Variants in ATP5F1A observed in about 807,000 individuals in gnomAD.
The protein encoded by ATP5F1A is ATP synthase F(1) complex subunit alpha, mitochondrial.
Under a neutral mutation model 57.4 loss-of-function variants are expected in ATP5F1A, and 24 were observed. That is an observed-to-expected ratio of 0.42 (90% confidence interval 0.30 to 0.59). The LOEUF is 0.59. ATP5F1A is among the 20% of genes least tolerant of loss of function. The pLI is 0.19. For synonymous variants in ATP5F1A, 251 were observed against 255.5 expected (o/e 0.98, Z 0.17); for missense variants, 494 against 707.9 (o/e 0.70, Z 3.43).
upstream of ATP5F1A, among the ~76,000 whole-genome samples, chr18:46,102,538 G>C (rs755208916): frequency 2.0e-5 from 3 of 152,060 alleles, no homozygotes; most frequent in Non-Finnish European, 4.4e-5. Context: ...TGGTCAGGCT[G>C]GTCTTGAACT....
In ATP5F1A at chr18:46,081,684, A is replaced by AAAAAAAAAAAAAAAAAAAAAAAC. The variant is rs1909756699; in HGVS notation, c.*2597_*2598insGTTTTTTTTTTTTTTTTTTTTTT. On this transcript the variant is annotated 3_prime_UTR_variant, in exon 12 of 12. Coordinates refer to ENST00000398752, the MANE Select transcript of ATP5F1A (RefSeq NM_004046.6). Reference sequence around the variant, plus strand: ...TCAAAAAAAAAAAACAAAAAAAAAAAAAAAAAAAAAAAACGAAATGTGCAG... The same window carrying AAAAAAAAAAAAAAAAAAAAAAAC: ...TCAAAAAAAAAAAACAAAAAAAAAAAAAAAAAAAAAAAAAAAAAAAAACAAAAAAAAAAAAACGAAATGTGCAG... 1 of 99,128 alleles carries AAAAAAAAAAAAAAAAAAAAAAAC rather than the reference A, an allele frequency of 1.0e-5. No individual in the cohort carries two copies. The highest frequency in any genetic ancestry group is 2.1e-5 in the Non-Finnish European group (1 of 46,680). The allele number at this position is 99,128 out of a possible 1,614,324, so 6.1% of individuals were successfully genotyped here.
intron 1 of ATP5F1A, among the ~76,000 whole-genome samples, chr18:46,095,355 G>A (rs1012230517): frequency 2.0e-5 from 3 of 152,076 alleles, no homozygotes; most frequent in Non-Finnish European, 4.4e-5. Flanking sequence ...TTTTTAAAAT[G>A]CAGTCTGTAC....
At chr18:46,099,743 T>TAAAC (rs1911212677), upstream of ATP5F1A, among the ~76,000 whole-genome samples, 1 of 152,162 alleles carries the variant, frequency 6.6e-6, no homozygotes, top group Non-Finnish European at 1.5e-5. Flanking sequence ...TTTCACCGTT[T>TAAAC]GGAGAAGCAT....
upstream of ATP5F1A, among the ~76,000 whole-genome samples, chr18:46,100,901 C>T (rs547748487): frequency 6.5e-4 from 99 of 152,096 alleles, no homozygotes; most frequent in African/African-American, 2.3e-3. Context: ...GATGAAACCC[C>T]GTCTCTGCTA....
Position 46,080,760 on chromosome 18 carries a change from C to G in ATP5F1A, c.*3522G>C, listed in dbSNP as rs1909694849. The stretch of plus-strand genomic sequence containing the variant: ...AGATTACAGGCGTAAGCCACTGCGC[C>G]TGGGCTATCATATTCTTTAAAAATA... On this transcript the variant is annotated 3_prime_UTR_variant, in exon 12 of 12. Coordinates refer to ENST00000398752, the MANE Select transcript of ATP5F1A (RefSeq NM_004046.6). 1 of 151,992 alleles carries G rather than the reference C, an allele frequency of 6.6e-6. No homozygotes were observed. The highest frequency in any genetic ancestry group is 1.5e-5 in the Non-Finnish European group (1 of 68,018). The allele number at this position is 151,992 out of a possible 1,614,324, so 9.4% of individuals were successfully genotyped here. A position where few individuals can be genotyped will look rare whatever the true frequency, so the allele number is the denominator to read the frequency against.
chr18:46,104,170 G>T, exon 1 of ATP5F1A: 1 of 401,944 alleles, frequency 2.5e-6, no homozygotes, highest in East Asian at 3.6e-5. Context: ...TCGTAGTGTT[G>T]ATTATACCGC....
At chr18:46,098,362 A>AACCCCCCCC (rs1555696620), upstream of ATP5F1A, 105 of 1,192,872 alleles carry the variant, frequency 8.8e-5, no homozygotes, top group African/African-American at 4.8e-4. Context: ...CCTCGCGTTC[A>AACCCCCCCC]CCACCTCTCC....
At chr18:46,097,979 A>T in intron 1 of ATP5F1A, 193 bp downstream of exon 1, 1 of 1,409,376 alleles carries the variant, frequency 7.1e-7, no homozygotes. Context: ...GCCCTGTACC[A>T]TTCTGCCTCT....
rs750591064 is a variant in ATP5F1A at position 46,083,984 on chromosome 18, C to CAA, written c.*296_*297dup. ...TCAGTGACAGAGTGAGAATCAGTCT[C>CAA]AAAAAAAAAAACAAAAAAAAAACTT... is the stretch of plus-strand genomic sequence containing the variant. On this transcript the variant is annotated 3_prime_UTR_variant, in exon 12 of 12. Transcript: ENST00000398752. 0.065 allele frequency: 7,122 copies of CAA among 109,952 alleles called. 329 individuals carry two copies. The highest frequency in any genetic ancestry group is 0.14 in the African/African-American group (3,049 of 21,708). 6.8% of individuals were successfully genotyped at this position (109,952 alleles called of 1,614,324 possible).
chr18:46,087,969 G>T, intron 6 of ATP5F1A, 140 bp downstream of exon 6: 3 of 867,844 alleles, frequency 3.5e-6, no homozygotes, highest in Non-Finnish European at 5.3e-6. Context: ...GTTTTACATT[G>T]TCTTACCTAC....
At chr18:46,093,757 G>A (rs1368211131) in intron 2 of ATP5F1A, among the ~76,000 whole-genome samples, 1 of 152,026 alleles carries the variant, frequency 6.6e-6, no homozygotes, top group East Asian at 1.9e-4. Flanking sequence ...CTGGGAGGTG[G>A]AGGTTGCAGT....
chr18:46,090,784 C>T (rs932656192), intron 3 of ATP5F1A, among the ~76,000 whole-genome samples: 1 of 152,190 alleles, frequency 6.6e-6, no homozygotes, highest in East Asian at 1.9e-4. Context: ...ACACTAGCCA[C>T]ATTTTACATG....
rs757707814 is a variant in ATP5F1A, at chr18:46,095,050, T to C, written c.139+3A>G. 13 of 1,609,882 alleles carry C rather than the reference T, an allele frequency of 8.1e-6. No individual in the cohort carries two copies. The South Asian group carries it at 1.4e-4, about 18-fold the overall frequency. ...CGGCGTAGACTGAGAAATAATAACTTACCAGTCTTTTGAAGATGAGTGTTA... is the reference window on the plus strand; with the variant it reads ...CGGCGTAGACTGAGAAATAATAACTCACCAGTCTTTTGAAGATGAGTGTTA... On this transcript the variant is annotated splice_donor_region_variant and intron_variant, in intron 2 of 11. Transcript: ENST00000398752.
At position 46,090,014 on chromosome 18, in the gene ATP5F1A, T is replaced by G. The variant is rs2298787; in HGVS notation, c.310-18A>C. 5.2e-6 allele frequency: 8 copies of G among 1,542,094 alleles called. No homozygotes were observed. The highest frequency in any genetic ancestry group is 2.0e-5 in the Admixed American group (1 of 49,770). ...GACATACCCTGCACAAAAGACACAA[T>G]TGAACATCAATGAAGCTGAATGGGC... On this transcript the variant is annotated intron_variant, in intron 3 of 11. Coordinates refer to ENST00000398752, the MANE Select transcript of ATP5F1A (RefSeq NM_004046.6).
intron 10 of ATP5F1A, 170 bp downstream of exon 10, chr18:46,085,943 A>AC: frequency 1.2e-6 from 1 of 834,234 alleles, no homozygotes; most frequent in East Asian, 2.8e-5. Flanking sequence ...CAAAAAAAAA[A>AC]AAAAATCAAA....
At chr18:46,097,056 G>T (rs1199693994) in intron 1 of ATP5F1A, among the ~76,000 whole-genome samples, 1 of 149,386 alleles carries the variant, frequency 6.7e-6, no homozygotes, top group Non-Finnish European at 1.5e-5. Context: ...GAAACCAAGA[G>T]TTGTGGCATG....
rs1599771222 is a variant in ATP5F1A, at chr18:46,087,117, T to C, written c.1067A>G (p.Asn356Ser). 1 of 1,614,120 alleles carries C rather than the reference T, an allele frequency of 6.2e-7. No homozygotes were observed. The highest frequency in any genetic ancestry group is 2.2e-5 in the East Asian group (1 of 44,892). The change falls in exon 8 of 12, where the codon AAC becomes AGC. Residue 356 changes from asparagine (N) to serine (S), a missense_variant. This residue lies in a region of ATP5F1A where 15 missense variants were observed against 16.3 expected (regional missense o/e 0.92). Coordinates refer to ENST00000398752, the MANE Select transcript of ATP5F1A (RefSeq NM_004046.6). The part of the protein sequence containing the change: ...SRLLERAAKM[N>S]DAFGGGSLTA... The stretch of plus-strand genomic sequence containing the variant: ...CAAGGAGCCACCACCAAAAGCATCG[T>C]TCATTTTGGCTGCTCTCTCCAGCAA...
intron 8 of ATP5F1A, 180 bp downstream of exon 8, chr18:46,086,828 G>T: frequency 1.5e-6 from 1 of 673,646 alleles, no homozygotes; most frequent in Non-Finnish European, 2.5e-6. Context: ...TGCAATAACT[G>T]GGTGACAGAT....
Position 46,089,467 on chromosome 18 carries a change from C to A in ATP5F1A, c.650+99G>T, listed in dbSNP as rs554057081. The stretch of plus-strand genomic sequence containing the variant: ...TTACTATTAATCCTCGTATTAGATT[C>A]TAATGTCCCCATTACCATTTACCAT... On this transcript the variant is annotated intron_variant, in intron 5 of 11. Transcript: ENST00000398752. 4.6e-4 allele frequency: 628 copies of A among 1,372,838 alleles called. 5 individuals are homozygous for A. The South Asian group carries it at 5.5e-3, about 12-fold the overall frequency. The allele number at this position is 1,372,838 out of a possible 1,614,324, so 85.0% of individuals were successfully genotyped here.
Sources: allele counts gnomAD v4.1 joint callset (sites outside exome capture counted in the v4.1 genomes callset), GRCh38; gene constraint gnomAD v4.1.1; regional missense constraint gnomAD v4.1.1; transcripts MANE v1.5; gene names NCBI Gene and HGNC (gene_info 2026-07-23, HGNC 2026-07-21).